The following ARPC1B variants were observed in gnomAD, a reference collection of about 807,000 sequenced individuals.
The protein encoded by ARPC1B is actin related protein 2/3 complex subunit 1B, also known as actin-related protein 2/3 complex subunit 1B.
ARPC1B carries 29 observed loss-of-function variants against 46.0 expected under a neutral mutation model. That is an observed-to-expected ratio of 0.63 (90% CI 0.47 to 0.86). The LOEUF is 0.86. Among genes scored for constraint, ARPC1B ranks in the 40% least tolerant of loss-of-function variants. ARPC1B has a pLI of 0.00. For missense variants in ARPC1B, 469 were observed against 529.4 expected, an observed-to-expected ratio of 0.89 and a Z score of 1.12; for synonymous variants, 201 against 213.9, an observed-to-expected ratio of 0.94 and a Z score of 0.53.
chr7:99,393,558 T>C (rs11978089), intron 8 of ARPC1B, among the ~76,000 whole-genome samples: 46,097 of 151,808 alleles, frequency 0.3, 13,689 homozygotes, highest in African/African-American at 0.78. Context: ...AAGAGGCTCT[T>C]CAAAGCCCAA....
Position 99,394,569 on chromosome 7 carries a change from T to C in ARPC1B, c.*80T>C, listed in dbSNP as rs989016746. ...TCAGGGAGGCTAATGGTTGCTTTGC[T>C]GAATGTTTCTGGGGTACCAATACGA... On this transcript the variant is annotated 3_prime_UTR_variant, in exon 10 of 10. Transcript: ENST00000646101. The C allele has an allele frequency of 2.6e-5, 42 of 1,607,584 alleles. No individual in the cohort carries two copies. In the Admixed American group the frequency reaches 3.0e-4, roughly 12 times the overall value.
In ARPC1B at chr7:99,385,724, C is replaced by A; in HGVS notation, c.10C>A (p.His4Asn). The change falls in exon 2 of 10, where the codon CAC becomes AAC. Residue 4 changes from histidine to asparagine, a missense_variant. Transcript: ENST00000646101. The stretch of plus-strand genomic sequence containing the variant: ...CAGGAGCCAAGCCGCCATGGCCTAC[C>A]ACAGCTTCCTGGTGGAGCCCATCAG... MAY[H>N]SFLVEPISCH... The A allele has an allele frequency of 6.2e-7, 1 of 1,610,884 alleles. No homozygotes were observed.
chr7:99,387,207 C>T (rs1794418681), intron 3 of ARPC1B, among the ~76,000 whole-genome samples: 1 of 151,846 alleles, frequency 6.6e-6, no homozygotes, highest in African/African-American at 2.4e-5. Flanking sequence ...TTCAGGAGGC[C>T]AAGGCGAGTG....
At position 99,388,248 on chromosome 7, in the gene ARPC1B, C is replaced by A; in HGVS notation, c.379C>A (p.Gln127Lys). The part of the protein sequence containing the change: ...SRVISICYFE[Q>K]ENDWWVCKHI... ...TGTGATCTCCATCTGTTATTTCGAG[C>A]AGGAGAATGACTGGTGGGTACCTAG... Residue 127 changes from glutamine (Q) to lysine (K), a missense_variant, in exon 4 of 10, where the codon CAG becomes AAG. Transcript: ENST00000646101. 2 of 1,614,012 alleles carry A rather than the reference C, an allele frequency of 1.2e-6. No individual in the cohort carries two copies. Among genetic ancestry groups the A allele is most frequent in the Middle Eastern group, 1.6e-4 (1 of 6,062 alleles).
At chr7:99,392,390 A>G (rs1794596010) in intron 7 of ARPC1B, among the ~76,000 whole-genome samples, 1 of 152,192 alleles carries the variant, frequency 6.6e-6, no homozygotes, top group South Asian at 2.1e-4. Context: ...AGAAAAGCAA[A>G]CAGCTGCAGG....
In ARPC1B at chr7:99,394,158, A is replaced by G. The variant is rs746621609; in HGVS notation, c.1080+39A>G. 4 of 1,601,054 alleles carry G rather than the reference A, an allele frequency of 2.5e-6. No individual in the cohort carries two copies. The South Asian group carries it at 4.4e-5, about 18-fold the overall frequency. ...CTCCTGGCTTCCCGCCATGCCTCCC[A>G]GGTCAACCCTTTCCCCCCATCCCCA... is the stretch of plus-strand genomic sequence containing the variant. On this transcript the variant is annotated intron_variant, in intron 9 of 9. Transcript: ENST00000646101.
rs560322150 is a variant in ARPC1B, at chr7:99,375,699, G to A, written c.-14+918G>A. ...GCATTTTGAGAGGCCCAGGCGGGAG[G>A]ATCGCTTGAGGCCAGGAGTTGGAGG... On this transcript the variant is annotated intron_variant, in intron 1 of 9. Coordinates refer to ENST00000646101, the MANE Select transcript of ARPC1B (RefSeq NM_005720.4). Among the ~76,000 whole-genome samples the A allele has an allele frequency of 1.8e-4, 28 of 152,342 alleles. 1 individual carries two copies. The highest frequency in any genetic ancestry group is 5.8e-4 in the African/African-American group (24 of 41,574).
intron 5 of ARPC1B, among the ~76,000 whole-genome samples, chr7:99,390,537 C>T (rs1045089892): frequency 1.3e-5 from 2 of 150,282 alleles, no homozygotes; most frequent in East Asian, 2.0e-4. Context: ...CCACCATGCC[C>T]GGCTAATTTT....
At chr7:99,387,083 A>G (rs916292431) in intron 3 of ARPC1B, among the ~76,000 whole-genome samples, 2 of 151,890 alleles carry the variant, frequency 1.3e-5, no homozygotes, top group Non-Finnish European at 2.9e-5. Flanking sequence ...GGGCTCTGAC[A>G]CTCCCTCATA....
chr7:99,391,096 T>G lies in ARPC1B; in HGVS notation c.704T>G (p.Met235Arg). 1 of 1,613,212 alleles carries G rather than the reference T, an allele frequency of 6.2e-7. No individual in the cohort carries two copies. The highest frequency in any genetic ancestry group is 8.5e-7 in the Non-Finnish European group (1 of 1,179,520). Reference protein sequence around the residue: ...TVCLADADKKMAVATLASETL... With the variant: ...TVCLADADKKRAVATLASETL... The stretch of plus-strand genomic sequence containing the variant: ...TGCCTGGCTGATGCCGACAAGAAGA[T>G]GGCGTGAGTCGAGGCCATCCCCAGG... The change falls in exon 6 of 10, where the codon ATG becomes AGG. Residue 235 changes from methionine (M) to arginine (R), a missense_variant. Met to Arg is a moderately conservative substitution (Grantham distance 91, BLOSUM62 -1). Coordinates refer to ENST00000646101, the MANE Select transcript of ARPC1B (RefSeq NM_005720.4).
In ARPC1B at chr7:99,387,536, A is replaced by G. The variant is rs59827253; in HGVS notation, c.170-503A>G. ...GCGGATCACCTGAGGTCAGGAGTTC[A>G]AGACCAGCCTGGTCAACATGGTGAA... On this transcript the variant is annotated intron_variant, in intron 3 of 9. Coordinates refer to ENST00000646101, the MANE Select transcript of ARPC1B (RefSeq NM_005720.4). Among the ~76,000 whole-genome samples, 4 of 152,214 alleles carry G rather than the reference A, an allele frequency of 2.6e-5. No homozygotes were observed. In the East Asian group the frequency reaches 7.7e-4, roughly 29 times the overall value.
intron 3 of ARPC1B, among the ~76,000 whole-genome samples, chr7:99,387,239 C>T (rs745669077): frequency 1.5e-4 from 23 of 152,040 alleles, no homozygotes; most frequent in African/African-American, 1.9e-4. Context: ...GTCAGGAGTT[C>T]GAGACCATCC....
chr7:99,392,923 C>A (rs952322845), intron 8 of ARPC1B, 47 bp downstream of exon 8: 79 of 1,493,486 alleles, frequency 5.3e-5, no homozygotes, highest in Non-Finnish European at 7.0e-5. Flanking sequence ...CTCGGCTCGC[C>A]CAGAAACAGC....
intron 4 of ARPC1B, chr7:99,389,573 G>A: frequency 3.8e-6 from 1 of 265,550 alleles, no homozygotes; most frequent in Admixed American, 4.9e-5. Flanking sequence ...GGCCAGCCAG[G>A]AGCATCTGAG....
chr7:99,392,830 ACGGCTGCGGGCG>A lies in ARPC1B; in HGVS notation c.947_958del (p.Ala316_Ala319del). On this transcript the variant is annotated inframe_deletion, in exon 8 of 10. Transcript: ENST00000646101. ...CAAGAAGGCGAGCTCCGAGGGTGGC[ACGGCTGCGGGCG>A]CGGGCCTAGACTCGCTGCACAAGAA... The A allele has an allele frequency of 6.5e-7, 1 of 1,550,208 alleles. No homozygotes were observed. Among genetic ancestry groups the A allele is most frequent in the Admixed American group, 2.0e-5 (1 of 51,028 alleles).
intron 7 of ARPC1B, 57 bp from the exon 8 acceptor site, chr7:99,392,614 C>A (rs889614611): frequency 2.1e-6 from 3 of 1,410,372 alleles, no homozygotes; most frequent in Admixed American, 3.0e-5. Flanking sequence ...GCCTGGCCTT[C>A]CCTCCGGCCT....
chr7:99,386,250 CAAA>C (rs397941748), intron 2 of ARPC1B: 94 of 286,172 alleles, frequency 3.3e-4, no homozygotes, highest in South Asian at 5.3e-4. Flanking sequence ...GACTCTGTCT[CAAA>C]AAAAAAAAAA....
chr7:99,389,102 A>G (rs966716666), intron 4 of ARPC1B: 1 of 150,404 alleles, frequency 6.6e-6, no homozygotes, highest in Non-Finnish European at 1.5e-5. Flanking sequence ...ACGCCAGGCT[A>G]ATTTTGTATT....
chr7:99,377,062 A>AGT (rs1293270058), intron 1 of ARPC1B, among the ~76,000 whole-genome samples: 1 of 152,090 alleles, frequency 6.6e-6, no homozygotes, highest in African/African-American at 2.4e-5. Flanking sequence ...CCCAGGCTAT[A>AGT]GTGCCATGGC....
Sources: allele counts gnomAD v4.1 joint callset (sites outside exome capture counted in the v4.1 genomes callset), GRCh38; gene constraint gnomAD v4.1.1; transcripts MANE v1.5; gene names NCBI Gene and HGNC (gene_info 2026-07-23, HGNC 2026-07-21).